The following CDKL5 variants were observed in gnomAD, a reference collection of about 807,000 sequenced individuals.
CDKL5 encodes the protein cyclin dependent kinase like 5.
In CDKL5, 8 loss-of-function variants were observed where a neutral mutation model predicts 61.7. The ratio of observed to expected loss-of-function variants is 0.13; its 90% CI spans 0.08 to 0.23. The LOEUF is 0.23. Among genes scored for constraint, CDKL5 ranks in the 10% least tolerant of loss-of-function variants. The pLI, the probability that CDKL5 is intolerant of heterozygous loss-of-function variation, is 1.00. For missense variants in CDKL5, 440 were observed against 734.5 expected (o/e 0.60, Z 4.63); for synonymous variants, 275 against 272.3 (o/e 1.01, Z -0.10).
chrX:18,446,472 A>T (rs965064288), intron 1 of CDKL5, among the ~76,000 whole-genome samples: 1 of 112,320 alleles, frequency 8.9e-6, no homozygotes, highest in African/African-American at 3.2e-5. Context: ...TATAGAACAC[A>T]GTTCACATTA....
At chrX:18,619,795 T>C in intron 15 of CDKL5, 72 bp from the exon 16 acceptor site, 1 of 703,011 alleles carries the variant, frequency 1.4e-6, no homozygotes. Flanking sequence ...TTTTCAGTCC[T>C]TATTATATTT....
intron 4 of CDKL5, among the ~76,000 whole-genome samples, chrX:18,571,338 C>CA (rs1320562087): frequency 2.7e-5 from 3 of 111,430 alleles, no homozygotes; most frequent in Non-Finnish European, 5.7e-5. Context: ...GTGTTCTACT[C>CA]AGACTATGAG....
intron 1 of CDKL5, among the ~76,000 whole-genome samples, chrX:18,435,606 T>C (rs1931592816): frequency 9.0e-6 from 1 of 111,166 alleles, no homozygotes; most frequent in Admixed American, 9.7e-5. Context: ...TCACTCTGTC[T>C]CCCAGGCTGG....
rs200418779 is a variant in CDKL5, at chrX:18,635,183, C to CATGT, written c.*6427_*6430dup. 4.1e-4 allele frequency: 305 copies of CATGT among 744,088 alleles called. 9 individuals are homozygous for CATGT. The South Asian group carries it at 0.012, about 29-fold the overall frequency. The allele number at this position is 744,088 out of a possible 1,213,427, so 61.3% of individuals were successfully genotyped here. Reference sequence around the variant, plus strand: ...AAAGTGTTTCTATAACTCTTTGTATCATGTGTTGGTACATCTTATCAAGTT... The same window carrying CATGT: ...AAAGTGTTTCTATAACTCTTTGTATCATGTATGTGTTGGTACATCTTATCAAGTT... On this transcript the variant is annotated 3_prime_UTR_variant, in exon 18 of 18. Transcript: ENST00000623535.
intron 1 of CDKL5, among the ~76,000 whole-genome samples, chrX:18,428,546 AAAT>A (rs921834360): frequency 9.0e-6 from 1 of 111,587 alleles, no homozygotes; most frequent in African/African-American, 3.3e-5. Context: ...AATTGATGTC[AAAT>A]AATAATATGA....
At chrX:18,582,330 C>CTA (rs987585332) in intron 7 of CDKL5, among the ~76,000 whole-genome samples, 17 of 111,485 alleles carry the variant, frequency 1.5e-4, no homozygotes, top group Non-Finnish European at 3.8e-5. Flanking sequence ...TGTTATATAT[C>CTA]TATAAAGTCA....
intron 16 of CDKL5, 26 bp downstream of exon 16, chrX:18,619,992 A>G: frequency 2.2e-6 from 2 of 913,457 alleles, no homozygotes; most frequent in Non-Finnish European, 3.2e-6. Context: ...GTTTCTATAT[A>G]TAATAACATG....
intron 3 of CDKL5, among the ~76,000 whole-genome samples, chrX:18,564,020 G>A (rs60209625): frequency 2.1e-3 from 232 of 111,653 alleles, no homozygotes; most frequent in African/African-American, 7.1e-3. Context: ...CAATAGGGGC[G>A]AGCTGGTGAA....
At chrX:18,547,531 A>C (rs1467405609) in intron 3 of CDKL5, among the ~76,000 whole-genome samples, 2 of 112,324 alleles carry the variant, frequency 1.8e-5, no homozygotes, top group Non-Finnish European at 3.8e-5. Context: ...CAAACATTTT[A>C]TTCAGGTTTA....
intron 1 of CDKL5, among the ~76,000 whole-genome samples, chrX:18,437,657 TTTCA>T (rs1188531502): frequency 5.3e-5 from 6 of 112,528 alleles, no homozygotes; most frequent in Non-Finnish European, 1.1e-4. Context: ...GGAGCACCAT[TTTCA>T]AATCTGGTTC....
intron 3 of CDKL5, among the ~76,000 whole-genome samples, chrX:18,521,742 T>G (rs907005294): frequency 8.9e-6 from 1 of 112,063 alleles, no homozygotes; most frequent in African/African-American, 3.2e-5. Flanking sequence ...TCTAACTTCA[T>G]TCTTTTGCTT....
intron 9 of CDKL5, among the ~76,000 whole-genome samples, chrX:18,591,376 A>G (rs1186245854): frequency 1.8e-5 from 2 of 111,694 alleles, no homozygotes; most frequent in Non-Finnish European, 3.8e-5. Context: ...CTGAGAAGTG[A>G]TTAACCAGTC....
intron 20 of CDKL5, chrX:18,650,153 A>G (rs1459304549): frequency 4.7e-6 from 2 of 427,651 alleles, no homozygotes; most frequent in Non-Finnish European, 8.2e-6. Context: ...CTAACACTCC[A>G]GAGCGGTCTG....
In CDKL5 at chrX:18,629,456, A is replaced by G. The variant is rs185073444; in HGVS notation, c.*699A>G. The G allele has an allele frequency of 8.0e-5, 42 of 525,557 alleles. No individual in the cohort carries two copies. The highest frequency in any genetic ancestry group is 1.2e-3 in the Middle Eastern group (1 of 838). The allele number at this position is 525,557 out of a possible 1,213,427, so 43.3% of individuals were successfully genotyped here. A position where few individuals can be genotyped will look rare whatever the true frequency, so the allele number is the denominator to read the frequency against. ...ATCAGGAGTATTTTATTCTATATATAATATATATATATGGTAAATATCTGT... is the reference window on the plus strand; with the variant it reads ...ATCAGGAGTATTTTATTCTATATATGATATATATATATGGTAAATATCTGT... On this transcript the variant is annotated 3_prime_UTR_variant, in exon 18 of 18. Transcript: ENST00000623535.
At position 18,578,658 on chromosome X, in the gene CDKL5, G is replaced by A. The variant is rs190410250; in HGVS notation, c.283-1190G>A. Among the ~76,000 whole-genome samples, 7 of 112,020 alleles carry A rather than the reference G, an allele frequency of 6.2e-5. No homozygotes were observed. In the East Asian group the frequency reaches 1.7e-3, roughly 27 times the overall value. The stretch of plus-strand genomic sequence containing the variant: ...CAGTTATTCTTTCAAGTGAAAAATG[G>A]CATTCCACATAAAAAGCAGCTCATT... On this transcript the variant is annotated intron_variant, in intron 5 of 17. Transcript: ENST00000623535.
At chrX:18,602,757 G>A (rs1257521856) in intron 11 of CDKL5, among the ~76,000 whole-genome samples, 6 of 111,374 alleles carry the variant, frequency 5.4e-5, no homozygotes, top group Non-Finnish European at 1.1e-4. Context: ...GGAAGTCAGA[G>A]CTTCACAGAC....
At chrX:18,431,071 C>T (rs1388984625) in intron 1 of CDKL5, among the ~76,000 whole-genome samples, 1 of 109,372 alleles carries the variant, frequency 9.1e-6, no homozygotes, top group Non-Finnish European at 1.9e-5. Flanking sequence ...ACCATGTTGG[C>T]CAAGTGGTCT....
intron 3 of CDKL5, among the ~76,000 whole-genome samples, chrX:18,554,064 A>AT (rs200137678): frequency 1.9e-4 from 19 of 102,084 alleles, no homozygotes; most frequent in East Asian, 6.0e-4. Context: ...ATATATATAT[A>AT]TTTTTTTTTT....
At chrX:18,524,748 G>A (rs1197882321) in intron 3 of CDKL5, among the ~76,000 whole-genome samples, 2 of 111,810 alleles carry the variant, frequency 1.8e-5, no homozygotes, top group Admixed American at 9.5e-5. Context: ...TTACGTTTAG[G>A]TGTATGATCC....
Sources: allele counts gnomAD v4.1 joint callset (sites outside exome capture counted in the v4.1 genomes callset), GRCh38; gene constraint gnomAD v4.1.1; transcripts MANE v1.5; gene names NCBI Gene and HGNC (gene_info 2026-07-23, HGNC 2026-07-21).